The following DGLUCY variants were observed in gnomAD, a reference collection of about 807,000 sequenced individuals.
DGLUCY encodes the protein D-glutamate cyclase, mitochondrial.
In DGLUCY, 58 loss-of-function variants were observed where a neutral mutation model predicts 58.5. The ratio of observed to expected loss-of-function variants is 0.99; its 90% CI spans 0.80 to 1.23. DGLUCY has a LOEUF of 1.23. Ranked by LOEUF, DGLUCY falls within the 50% of genes most tolerant of loss-of-function variation. DGLUCY has a pLI of 0.00. For missense variants in DGLUCY, 779 were observed against 784.7 expected, an observed-to-expected ratio of 0.99 and a Z score of 0.09; for synonymous variants, 325 against 314.1, an observed-to-expected ratio of 1.03 and a Z score of -0.37.
chr14:91,078,528 G>A (rs1380742090), intron 1 of DGLUCY, among the ~76,000 whole-genome samples: 1 of 152,128 alleles, frequency 6.6e-6, no homozygotes, highest in Non-Finnish European at 1.5e-5. Context: ...ATCCCCCCAC[G>A]CCTTCATTCA....
At chr14:91,099,285 T>C (rs759145626) in intron 1 of DGLUCY, among the ~76,000 whole-genome samples, 18 of 152,004 alleles carry the variant, frequency 1.2e-4, no homozygotes, top group Non-Finnish European at 2.2e-4. Flanking sequence ...ATAATCCCAA[T>C]ACTTTGGGAG....
chr14:91,084,934 TA>T (rs2044187397), intron 1 of DGLUCY, among the ~76,000 whole-genome samples: 2 of 152,122 alleles, frequency 1.3e-5, no homozygotes, highest in Non-Finnish European at 2.9e-5. Flanking sequence ...TTTTCAAAGT[TA>T]AAAGAGGGTG....
At position 91,181,191 on chromosome 14, in the gene DGLUCY, C is replaced by A; in HGVS notation, c.736C>A (p.Pro246Thr). 3 of 1,614,040 alleles carry A rather than the reference C, an allele frequency of 1.9e-6. No individual in the cohort carries two copies. The highest frequency in any genetic ancestry group is 1.7e-5 in the Admixed American group (1 of 59,994). ...SLGAVSSCET[P>T]LAFASIPGCT... ...CCTCCTGCTGTGTGTTTTAGAGACC[C>A]CACTGGCTTTTGCCAGCATCCCAGG... The change falls in exon 8 of 14, where the codon CCA becomes ACA. Residue 246 changes from proline (P) to threonine (T), a missense_variant. By Grantham distance (38) the Pro-to-Thr change is conservative (BLOSUM62 -1). Transcript: ENST00000256324.
chr14:91,084,081 G>T (rs535863564), intron 1 of DGLUCY, among the ~76,000 whole-genome samples: 2 of 152,242 alleles, frequency 1.3e-5, no homozygotes, highest in South Asian at 4.2e-4. Flanking sequence ...CACACAGTAG[G>T]GCTGGCAATA....
intron 9 of DGLUCY, among the ~76,000 whole-genome samples, chr14:91,195,348 C>G (rs549278274): frequency 1.3e-5 from 2 of 152,252 alleles, no homozygotes; most frequent in East Asian, 3.9e-4. Context: ...TTGTGTATTT[C>G]CCACATATTC....
chr14:91,139,263 T>C (rs1357323419), intron 1 of DGLUCY, among the ~76,000 whole-genome samples: 1 of 152,186 alleles, frequency 6.6e-6, no homozygotes, highest in Non-Finnish European at 1.5e-5. Flanking sequence ...TTCCTCCTCC[T>C]CCTTGTTCTC....
intron 1 of DGLUCY, among the ~76,000 whole-genome samples, chr14:91,134,539 G>T (rs1347815631): frequency 1.3e-5 from 2 of 151,886 alleles, no homozygotes; most frequent in Non-Finnish European, 2.9e-5. Context: ...CCAGGTTCAA[G>T]CGATTCTCTT....
At chr14:91,135,055 C>G (rs566533434) in intron 1 of DGLUCY, among the ~76,000 whole-genome samples, 1 of 152,126 alleles carries the variant, frequency 6.6e-6, no homozygotes, top group South Asian at 2.1e-4. Context: ...CCCGAAGTAG[C>G]TGGGACTACA....
In DGLUCY at chr14:91,063,705, G is replaced by A. The variant is rs898892094; in HGVS notation, c.-82+3001G>A. On this transcript the variant is annotated intron_variant, in intron 1 of 4. Transcript: ENST00000521334. ...TTGAGAGATTGAGAAAGGCAGTGGA[G>A]CCTTAATGCAGTAAGCAAGGGATGA... Among the ~76,000 whole-genome samples, 29 of 152,276 alleles carry A rather than the reference G, an allele frequency of 1.9e-4. 1 individual carries two copies. Among genetic ancestry groups the A allele is most frequent in the Admixed American group, 6.5e-5 (1 of 15,288 alleles).
At chr14:91,205,010 C>T in intron 12 of DGLUCY, 185 bp downstream of exon 12, 1 of 785,914 alleles carries the variant, frequency 1.3e-6, no homozygotes, top group Non-Finnish European at 2.0e-6. Flanking sequence ...TACAGTGTGC[C>T]AGGCAGTGTT....
chr14:91,136,426 T>C (rs909233474), intron 1 of DGLUCY, among the ~76,000 whole-genome samples: 1 of 151,894 alleles, frequency 6.6e-6, no homozygotes, highest in African/African-American at 2.4e-5. Flanking sequence ...CTCACACCTG[T>C]AACCCCAGCA....
At chr14:91,195,828 G>C (rs905603211) in intron 9 of DGLUCY, among the ~76,000 whole-genome samples, 1 of 151,850 alleles carries the variant, frequency 6.6e-6, no homozygotes, top group African/African-American at 2.4e-5. Flanking sequence ...TTGCCATCAC[G>C]CCGGGCTAAT....
At chr14:91,065,735 G>C (rs2043808784) in intron 1 of DGLUCY, among the ~76,000 whole-genome samples, 1 of 152,212 alleles carries the variant, frequency 6.6e-6, no homozygotes, top group Non-Finnish European at 1.5e-5. Context: ...CAGAGGTAGT[G>C]ATGACACTAG....
chr14:91,101,679 A>G (rs1021049575), intron 1 of DGLUCY, among the ~76,000 whole-genome samples: 1 of 152,240 alleles, frequency 6.6e-6, no homozygotes, highest in Non-Finnish European at 1.5e-5. Flanking sequence ...TGATAGATCA[A>G]TGGGGTAACT....
chr14:91,170,631 G>A (rs1595828075), intron 5 of DGLUCY, among the ~76,000 whole-genome samples: 1 of 152,202 alleles, frequency 6.6e-6, no homozygotes, highest in East Asian at 1.9e-4. Flanking sequence ...TCTCTGTCCA[G>A]AAAGCTGGGT....
At position 91,160,417 on chromosome 14, in the gene DGLUCY, TAAAAAA is replaced by T. The variant is rs34785372; in HGVS notation, c.103+39_103+44del. ...CTGGAGGTAAGTGGTGCCAGATAGTTAAAAAAAAAAAAAAAAAAAAAAAAGAAAGTT... is the reference window on the plus strand; with the variant it reads ...CTGGAGGTAAGTGGTGCCAGATAGTTAAAAAAAAAAAAAAAAAAGAAAGTT... On this transcript the variant is annotated intron_variant, in intron 3 of 13. Coordinates refer to ENST00000256324, the MANE Select transcript of DGLUCY (RefSeq NM_001102368.3). The T allele has an allele frequency of 1.6e-3, 914 of 578,160 alleles. No individual in the cohort carries two copies. The highest frequency in any genetic ancestry group is 2.5e-3 in the Middle Eastern group (5 of 2,006). 35.8% of individuals were successfully genotyped at this position (578,160 alleles called of 1,614,324 possible). A position where few individuals can be genotyped will look rare whatever the true frequency, so the allele number is the denominator to read the frequency against.
intron 9 of DGLUCY, among the ~76,000 whole-genome samples, chr14:91,192,922 AGTGG>A (rs2049986798): frequency 6.6e-6 from 1 of 152,224 alleles, no homozygotes; most frequent in South Asian, 2.1e-4. Context: ...TTAGACACAC[AGTGG>A]AGAAGTCAAG....
At chr14:91,111,328 T>A (rs6575175), upstream of DGLUCY, among the ~76,000 whole-genome samples, 4 of 148,988 alleles carry the variant, frequency 2.7e-5, no homozygotes, top group African/African-American at 9.9e-5. Flanking sequence ...GTGGCCAGGC[T>A]GGAGTGCAGT....
chr14:91,101,397 TC>T (rs1314083937), intron 1 of DGLUCY, among the ~76,000 whole-genome samples: 1 of 152,196 alleles, frequency 6.6e-6, no homozygotes, highest in Non-Finnish European at 1.5e-5. Flanking sequence ...GCGCTATTTG[TC>T]TTTTTCACTT....
Sources: allele counts gnomAD v4.1 joint callset (sites outside exome capture counted in the v4.1 genomes callset), GRCh38; gene constraint gnomAD v4.1.1; transcripts MANE v1.5; gene names NCBI Gene and HGNC (gene_info 2026-07-23, HGNC 2026-07-21).